The following SLCO1B1 variants were observed in gnomAD, a reference collection of about 807,000 sequenced individuals.
SLCO1B1 encodes the protein solute carrier organic anion transporter family member 1B1.
A neutral mutation model predicts 70.1 loss-of-function variants in SLCO1B1; 81 were observed. The ratio of observed to expected loss-of-function variants is 1.16; its 90% confidence interval spans 0.97 to 1.39. The LOEUF (loss-of-function observed/expected upper bound fraction) is 1.39, where lower values mean the gene tolerates loss of function less well. Among genes scored for constraint, SLCO1B1 ranks in the 40% most tolerant of loss-of-function variants. SLCO1B1 has a pLI of 0.00. For missense variants in SLCO1B1, 895 were observed against 799.6 expected, an observed-to-expected ratio of 1.12 and a Z score of -1.44; for synonymous variants, 283 against 271.5, an observed-to-expected ratio of 1.04 and a Z score of -0.42.
intron 12 of SLCO1B1, among the ~76,000 whole-genome samples, chr12:21,219,804 A>C (rs1189839949): frequency 1.3e-5 from 2 of 151,126 alleles, no homozygotes; most frequent in Non-Finnish European, 2.9e-5. Flanking sequence ...TCTGTCACCC[A>C]GGCTGGAGTG....
At chr12:21,226,407 C>CT (rs1232430994) in intron 14 of SLCO1B1, among the ~76,000 whole-genome samples, 1 of 149,196 alleles carries the variant, frequency 6.7e-6, no homozygotes, top group East Asian at 2.0e-4. Context: ...GAGCGAGACT[C>CT]TGTCTCAAAA....
intron 7 of SLCO1B1, among the ~76,000 whole-genome samples, chr12:21,187,421 C>T (rs186715569): frequency 3.9e-5 from 6 of 152,178 alleles, no homozygotes; most frequent in Admixed American, 1.3e-4. Flanking sequence ...CTTTTCATAT[C>T]AGTCGATGCC....
chr12:21,198,754 A>G (rs1272731517), intron 8 of SLCO1B1, among the ~76,000 whole-genome samples: 1 of 152,138 alleles, frequency 6.6e-6, no homozygotes, highest in Non-Finnish European at 1.5e-5. Flanking sequence ...AAACAATGAG[A>G]ACTTTTCAAA....
At chr12:21,179,091 A>G in intron 7 of SLCO1B1, 71 bp downstream of exon 7, 1 of 935,176 alleles carries the variant, frequency 1.1e-6, no homozygotes, top group Non-Finnish European at 1.8e-6. Flanking sequence ...ATTTTTTCAA[A>G]TAACTGAATT....
At chr12:21,210,196 T>G (rs1467405209) in intron 11 of SLCO1B1, among the ~76,000 whole-genome samples, 3 of 142,182 alleles carry the variant, frequency 2.1e-5, no homozygotes, top group East Asian at 2.2e-4. Context: ...GTTTTAGGTC[T>G]AACGTTTAAG....
At chr12:21,142,976 C>T (rs900101805) in intron 2 of SLCO1B1, among the ~76,000 whole-genome samples, 4 of 152,022 alleles carry the variant, frequency 2.6e-5, no homozygotes, top group East Asian at 1.9e-4. Context: ...ATAAGACTGG[C>T]ATCCCTAATG....
chr12:21,214,069 G>C (rs1941323878), intron 11 of SLCO1B1, among the ~76,000 whole-genome samples: 1 of 152,220 alleles, frequency 6.6e-6, no homozygotes. Flanking sequence ...GCTCGTCAAA[G>C]TCATTCTCCA....
At chr12:21,177,386 A>G (rs1200165511) in intron 5 of SLCO1B1, among the ~76,000 whole-genome samples, 1 of 152,198 alleles carries the variant, frequency 6.6e-6, no homozygotes, top group African/African-American at 2.4e-5. Flanking sequence ...TGTAAATAAT[A>G]TAACTTTGCT....
chr12:21,235,284 T>C (rs559427834), intron 14 of SLCO1B1, among the ~76,000 whole-genome samples: 2 of 152,010 alleles, frequency 1.3e-5, no homozygotes, highest in East Asian at 3.9e-4. Context: ...AAATGCTTTA[T>C]CATTATGTAA....
Position 21,184,761 on chromosome 12 carries a change from A to G in SLCO1B1, c.727+5741A>G, listed in dbSNP as rs902876634. On this transcript the variant is annotated intron_variant, in intron 7 of 14. Coordinates refer to ENST00000256958, the MANE Select transcript of SLCO1B1 (RefSeq NM_006446.5). ...TGCCATGATCAAAATCTCACGTATC[A>G]ATAATAACCCTGAATGTAAACAGGC... Among the ~76,000 whole-genome samples, 107 of 152,314 alleles carry G rather than the reference A, an allele frequency of 7.0e-4. 1 individual carries two copies. The highest frequency in any genetic ancestry group is 2.5e-3 in the African/African-American group (103 of 41,580).
intron 1 of SLCO1B1, among the ~76,000 whole-genome samples, chr12:21,132,252 T>A (rs559564379): frequency 3.3e-5 from 5 of 152,314 alleles, no homozygotes; most frequent in African/African-American, 1.2e-4. Context: ...ACATTTAGGT[T>A]GGTTCCAAGT....
intron 11 of SLCO1B1, among the ~76,000 whole-genome samples, chr12:21,209,090 G>C (rs1002693166): frequency 6.6e-6 from 1 of 151,080 alleles, no homozygotes; most frequent in Non-Finnish European, 1.5e-5. Context: ...TAAGTTTTAG[G>C]GTACATGTGC....
intron 2 of SLCO1B1, among the ~76,000 whole-genome samples, chr12:21,142,253 A>C (rs2121041506): frequency 6.6e-6 from 1 of 152,068 alleles, no homozygotes; most frequent in African/African-American, 2.4e-5. Context: ...TTTTGGCACA[A>C]ACTGTATTAA....
chr12:21,195,429 T>A (rs1941080526), intron 7 of SLCO1B1, among the ~76,000 whole-genome samples: 1 of 152,146 alleles, frequency 6.6e-6, no homozygotes, highest in Non-Finnish European at 1.5e-5. Flanking sequence ...TTTTTGTTTG[T>A]TTGTTTGTTT....
chr12:21,165,005 A>G, intron 2 of SLCO1B1: 1 of 349,420 alleles, frequency 2.9e-6, no homozygotes, highest in Non-Finnish European at 5.5e-6. Flanking sequence ...CCTCAACTAC[A>G]TAGCTTAGCA....
intron 7 of SLCO1B1, among the ~76,000 whole-genome samples, chr12:21,182,299 T>C (rs1940910832): frequency 6.6e-6 from 1 of 151,804 alleles, no homozygotes. Context: ...CCAGAGACAT[T>C]GGAACAGGCA....
chr12:21,162,068 A>G (rs989648306), intron 2 of SLCO1B1, among the ~76,000 whole-genome samples: 2 of 151,680 alleles, frequency 1.3e-5, no homozygotes, highest in African/African-American at 4.8e-5. Flanking sequence ...TAAAATTTCT[A>G]GGAACAATTT....
intron 2 of SLCO1B1, among the ~76,000 whole-genome samples, chr12:21,149,997 A>G (rs142808569): frequency 1.3e-5 from 2 of 151,938 alleles, no homozygotes; most frequent in Non-Finnish European, 2.9e-5. Context: ...TCAACCCGGG[A>G]TGCTCGAGCT....
At chr12:21,188,175 T>C (rs932457833) in intron 7 of SLCO1B1, among the ~76,000 whole-genome samples, 10 of 151,790 alleles carry the variant, frequency 6.6e-5, no homozygotes, top group South Asian at 2.1e-4. Flanking sequence ...ATTTATGAAA[T>C]AGTTACTGAA....
Sources: allele counts gnomAD v4.1 joint callset (sites outside exome capture counted in the v4.1 genomes callset), GRCh38; gene constraint gnomAD v4.1.1; transcripts MANE v1.5; gene names NCBI Gene and HGNC (gene_info 2026-07-23, HGNC 2026-07-21).